Variants in PRKCB observed in about 807,000 individuals in gnomAD.
PRKCB encodes the protein protein kinase C beta type.
Under a neutral mutation model 81.5 loss-of-function variants are expected in PRKCB, and 13 were observed. The observed-to-expected ratio is 0.16, with a 90% CI of 0.10 to 0.25. The LOEUF (loss-of-function observed/expected upper bound fraction) is 0.25. Among genes scored for constraint, PRKCB ranks in the 10% least tolerant of loss-of-function variants. The pLI is 1.00. For synonymous variants in PRKCB, 335 were observed against 321.4 expected (o/e 1.04, Z -0.45); for missense variants, 509 against 875.7 (o/e 0.58, Z 5.29).
At chr16:24,070,933 C>G (rs1966099930) in intron 5 of PRKCB, among the ~76,000 whole-genome samples, 1 of 152,152 alleles carries the variant, frequency 6.6e-6, no homozygotes, top group Non-Finnish European at 1.5e-5. Flanking sequence ...TGTGATGGGT[C>G]AGATGAAGTC....
At chr16:23,939,727 TA>T (rs1468728246) in intron 2 of PRKCB, among the ~76,000 whole-genome samples, 2 of 152,196 alleles carry the variant, frequency 1.3e-5, no homozygotes, top group Non-Finnish European at 2.9e-5. Flanking sequence ...CTATTAAATG[TA>T]AAATATAAAA....
chr16:24,093,050 C>A, intron 6 of PRKCB, 103 bp downstream of exon 6: 1 of 1,218,782 alleles, frequency 8.2e-7, no homozygotes, highest in African/African-American at 1.5e-5. Context: ...TCCTTCCTTC[C>A]CTACCTCCCT....
chr16:23,951,467 C>G (rs911502673), intron 2 of PRKCB, among the ~76,000 whole-genome samples: 2 of 152,096 alleles, frequency 1.3e-5, no homozygotes, highest in African/African-American at 2.4e-5. Context: ...CTCTGTCACC[C>G]AGGCTGGGGT....
At chr16:24,059,485 C>T (rs1342555693) in intron 5 of PRKCB, among the ~76,000 whole-genome samples, 2 of 151,768 alleles carry the variant, frequency 1.3e-5, no homozygotes, top group Admixed American at 6.6e-5. Context: ...AAGGGAGACT[C>T]CATTTCTACA....
intron 3 of PRKCB, among the ~76,000 whole-genome samples, chr16:24,011,556 G>C (rs1412045446): frequency 6.6e-6 from 1 of 152,108 alleles, no homozygotes; most frequent in Non-Finnish European, 1.5e-5. Context: ...TCACTCTGTT[G>C]TTGGGGCCAG....
chr16:24,202,347 T>A (rs898023515), intron 16 of PRKCB, among the ~76,000 whole-genome samples: 7 of 152,200 alleles, frequency 4.6e-5, no homozygotes, highest in Non-Finnish European at 8.8e-5. Context: ...CTCAGTTTGG[T>A]GCAATCTGGC....
At position 23,980,676 on chromosome 16, in the gene PRKCB, G is replaced by T. The variant is rs1030512304; in HGVS notation, c.206-7832G>T. On this transcript the variant is annotated intron_variant, in intron 2 of 16. Coordinates refer to ENST00000643927, the MANE Select transcript of PRKCB (RefSeq NM_002738.7). ...CCTACCACAGATATCTGCAACTAGCGCTAGAATTTCTATCCCAGATTGACA... is the reference window on the plus strand; with the variant it reads ...CCTACCACAGATATCTGCAACTAGCTCTAGAATTTCTATCCCAGATTGACA... Among the ~76,000 whole-genome samples, 3 of 152,064 alleles carry T rather than the reference G, an allele frequency of 2.0e-5. No homozygotes were observed. In the South Asian group the frequency reaches 6.2e-4, roughly 31 times the overall value.
chr16:24,217,460 ATGAG>A lies in PRKCB; in HGVS notation c.*2647_*2650del. On this transcript the variant is annotated 3_prime_UTR_variant, in exon 17 of 17. Coordinates refer to ENST00000643927, the MANE Select transcript of PRKCB (RefSeq NM_002738.7). ...CAGTAGAATTAATAACCCTCCTTGG[ATGAG>A]TGCTACTGTTTTCACATGGCTTCAG... 1.0e-6 allele frequency: 1 copy of A among 985,456 alleles called. No individual in the cohort carries two copies. Among genetic ancestry groups the A allele is most frequent in the South Asian group, 4.7e-5 (1 of 21,284 alleles). 61.0% of individuals were successfully genotyped at this position (985,456 alleles called of 1,614,324 possible). A position where few individuals can be genotyped will look rare whatever the true frequency, so the allele number is the denominator to read the frequency against.
rs1968276186 is a variant in PRKCB at position 24,218,949 on chromosome 16, C to G, written c.*4133C>G. The G allele has an allele frequency of 5.1e-5, 50 of 985,434 alleles. No individual in the cohort carries two copies. The highest frequency in any genetic ancestry group is 5.9e-5 in the Non-Finnish European group (49 of 830,010). 61.0% of individuals were successfully genotyped at this position (985,434 alleles called of 1,614,324 possible). On this transcript the variant is annotated 3_prime_UTR_variant, in exon 17 of 17. Coordinates refer to ENST00000643927, the MANE Select transcript of PRKCB (RefSeq NM_002738.7). ...GGAACCCACTGAAATCTTGGGCAAG[C>G]CACCCTGCCTGCTTGTGCCTCGGTT... is the stretch of plus-strand genomic sequence containing the variant.
At chr16:24,127,444 A>G (rs1350846210) in intron 9 of PRKCB, among the ~76,000 whole-genome samples, 2 of 152,196 alleles carry the variant, frequency 1.3e-5, no homozygotes, top group Non-Finnish European at 2.9e-5. Flanking sequence ...CCCTATGTGA[A>G]CACTTTTATT....
chr16:24,035,516 C>T lies in PRKCB; in HGVS notation c.498C>T (p.Ala166=), dbSNP rs576008026. The T allele has an allele frequency of 5.0e-6, 8 of 1,614,132 alleles. No individual in the cohort carries two copies. The African/African-American group carries it at 9.3e-5, about 19-fold the overall frequency. The change falls in exon 5 of 17, where the codon GCC becomes GCT. Residue 166 remains alanine, a synonymous_variant. Transcript: ENST00000643927. ...TERRGRIYIQ[A]HIDRDVLIVL... ...GCCGCGGCCGCATCTACATCCAGGC[C>T]CACATCGACAGGGACGTCCTCATTG...
chr16:23,855,893 C>T (rs1246735161), intron 2 of PRKCB, among the ~76,000 whole-genome samples: 1 of 152,218 alleles, frequency 6.6e-6, no homozygotes, highest in African/African-American at 2.4e-5. Context: ...AGGGAGGACA[C>T]AGCTGTGAGC....
intron 10 of PRKCB, among the ~76,000 whole-genome samples, chr16:24,169,394 G>T (rs1427040502): frequency 1.3e-5 from 2 of 152,242 alleles, no homozygotes; most frequent in East Asian, 3.9e-4. Flanking sequence ...ATTTCTTTCA[G>T]AGTGAGACCC....
intron 13 of PRKCB, among the ~76,000 whole-genome samples, chr16:24,182,499 C>T (rs1199642873): frequency 3.9e-5 from 6 of 151,984 alleles, no homozygotes; most frequent in Admixed American, 1.3e-4. Flanking sequence ...CCACCCTGGG[C>T]GACTGAGCGA....
At chr16:24,193,456 T>TAAATAAATAAATAAAAA (rs1555501753) in intron 16 of PRKCB, among the ~76,000 whole-genome samples, 1 of 62,536 alleles carries the variant, frequency 1.6e-5, no homozygotes, top group African/African-American at 8.6e-5. Context: ...AATAAATAAA[T>TAAATAAATAAATAAAAA]AAATAAATAA....
chr16:23,878,206 C>T (rs1963048327), intron 2 of PRKCB, among the ~76,000 whole-genome samples: 1 of 152,138 alleles, frequency 6.6e-6, no homozygotes, highest in South Asian at 2.1e-4. Flanking sequence ...AAACACTGAA[C>T]CATTGTTCCT....
intron 7 of PRKCB, among the ~76,000 whole-genome samples, chr16:24,108,362 T>C (rs954142956): frequency 2.7e-5 from 4 of 148,786 alleles, no homozygotes; most frequent in African/African-American, 7.4e-5. Context: ...TATTTATTTA[T>C]TTATTTTTTA....
At chr16:24,007,606 G>A (rs1177022938) in intron 3 of PRKCB, among the ~76,000 whole-genome samples, 1 of 152,194 alleles carries the variant, frequency 6.6e-6, no homozygotes, top group Non-Finnish European at 1.5e-5. Flanking sequence ...GCATGCTGTG[G>A]AGGAAGAAGC....
At chr16:23,845,025 C>T (rs1468615471) in intron 2 of PRKCB, among the ~76,000 whole-genome samples, 1 of 152,164 alleles carries the variant, frequency 6.6e-6, no homozygotes, top group African/African-American at 2.4e-5. Context: ...TGGTCTCTAA[C>T]TCCTGACCTC....
Sources: gnomAD v4.1 joint callset for allele counts (sites outside exome capture counted in the v4.1 genomes callset) on GRCh38, gnomAD v4.1.1 for gene constraint, MANE v1.5 for transcripts, NCBI Gene and HGNC (gene_info 2026-07-23, HGNC 2026-07-21) for gene names.